Variants in SCN2A observed in about 807,000 individuals in gnomAD.
SCN2A encodes the protein sodium channel protein type 2 subunit alpha.
In SCN2A, 20 loss-of-function variants were observed where a neutral mutation model predicts 188.7. That is an observed-to-expected ratio of 0.11 (90% CI 0.07 to 0.15). The LOEUF is 0.15. SCN2A is among the 10% of genes least tolerant of loss of function. SCN2A has a pLI of 1.00. For missense variants in SCN2A, 1,278 were observed against 2,445.0 expected (o/e 0.52, Z 10.07); for synonymous variants, 804 against 833.1 (o/e 0.97, Z 0.60).
At chr2:165,258,593 A>G (rs1421784218) in intron 1 of SCN2A, among the ~76,000 whole-genome samples, 9 of 152,246 alleles carry the variant, frequency 5.9e-5, no homozygotes, top group Admixed American at 5.9e-4. Flanking sequence ...GTATGTGCCC[A>G]AAGAAATATA....
At chr2:165,358,112 G>A (rs1700272520) in intron 17 of SCN2A, among the ~76,000 whole-genome samples, 1 of 152,134 alleles carries the variant, frequency 6.6e-6, no homozygotes, top group Non-Finnish European at 1.5e-5. Flanking sequence ...AAGTAAAAGT[G>A]CATGCCTTTA....
At chr2:165,296,631 G>C (rs1696525226) in intron 2 of SCN2A, 1 of 182,498 alleles carries the variant, frequency 5.5e-6, no homozygotes, top group Non-Finnish European at 1.1e-5. Flanking sequence ...ATAAGATTCT[G>C]AGCAAAGAAC....
chr2:165,239,541 T>A lies in SCN2A; in HGVS notation c.-151T>A, dbSNP rs1693526893. 1.4e-6 allele frequency: 1 copy of A among 738,064 alleles called. No homozygotes were observed. Among genetic ancestry groups the A allele is most frequent in the Admixed American group, 6.3e-5 (1 of 15,994 alleles). 45.7% of individuals were successfully genotyped at this position (738,064 alleles called of 1,614,324 possible). A position where few individuals can be genotyped will look rare whatever the true frequency, so the allele number is the denominator to read the frequency against. On this transcript the variant is annotated 5_prime_UTR_variant, in exon 1 of 27. Transcript: ENST00000375437. ...GGATAGAGCACATGTGAGATTTTAC[T>A]TTCTACTCCAGTAAAAATTCTGAAG...
chr2:165,248,479 G>A (rs1191858291), intron 1 of SCN2A, among the ~76,000 whole-genome samples: 1 of 152,014 alleles, frequency 6.6e-6, no homozygotes, highest in Non-Finnish European at 1.5e-5. Flanking sequence ...TTTAAAATCT[G>A]AGCTCAAATG....
At chr2:165,314,231 G>C in intron 10 of SCN2A, 123 bp downstream of exon 10, 1 of 943,028 alleles carries the variant, frequency 1.1e-6, no homozygotes, top group South Asian at 1.5e-5. Flanking sequence ...TAAGTGCTAG[G>C]AGCCTGTTTG....
chr2:165,374,665 T>G lies in SCN2A; in HGVS notation c.3973-20T>G. 6.2e-7 allele frequency: 1 copy of G among 1,611,584 alleles called. No individual in the cohort carries two copies. Among genetic ancestry groups the G allele is most frequent in the South Asian group, 1.1e-5 (1 of 91,000 alleles). On this transcript the variant is annotated intron_variant, in intron 21 of 26. Transcript: ENST00000375437. ...TTGTTGTTGGCTTTTCACTTATTTT[T>G]CCTTCTCATCCTGTGCCAGGTTGTT... is the stretch of plus-strand genomic sequence containing the variant.
intron 1 of SCN2A, among the ~76,000 whole-genome samples, chr2:165,278,261 G>C (rs1574487793): frequency 1.3e-5 from 2 of 152,106 alleles, no homozygotes; most frequent in African/African-American, 4.8e-5. Context: ...CCATTTTCTT[G>C]CTGCCATAAA....
intron 14 of SCN2A, among the ~76,000 whole-genome samples, chr2:165,341,799 C>A (rs1699335713): frequency 6.6e-6 from 1 of 152,212 alleles, no homozygotes; most frequent in Non-Finnish European, 1.5e-5. Flanking sequence ...AATACTGCTT[C>A]CCTTTCGCCA....
In SCN2A at chr2:165,323,379, C is replaced by G; in HGVS notation, c.1895C>G (p.Ser632Cys). Reference sequence around the variant, plus strand: ...AATGTCAGCCAGGCCAGCCGTGCCTCCAGGGTGCTCCCCATCCTGCCCATG... The same window carrying G: ...AATGTCAGCCAGGCCAGCCGTGCCTGCAGGGTGCTCCCCATCCTGCCCATG... The part of the protein sequence containing the change: ...HSNVSQASRA[S>C]RVLPILPMNG... The change falls in exon 12 of 27, where the codon TCC becomes TGC. Residue 632 changes from serine (S) to cysteine (C), a missense_variant. Physicochemically the swap from Ser to Cys is moderately radical, Grantham distance 112. Coordinates refer to ENST00000375437, the MANE Select transcript of SCN2A (RefSeq NM_001040142.2). 2 of 1,614,166 alleles carry G rather than the reference C, an allele frequency of 1.2e-6. No individual in the cohort carries two copies. Among genetic ancestry groups the G allele is most frequent in the Non-Finnish European group, 1.7e-6 (2 of 1,180,020 alleles).
At chr2:165,334,636 T>G (rs1035395588) in intron 14 of SCN2A, among the ~76,000 whole-genome samples, 4 of 151,752 alleles carry the variant, frequency 2.6e-5, no homozygotes, top group African/African-American at 9.7e-5. Flanking sequence ...ATAAACACCA[T>G]CTCAAAAGAC....
chr2:165,368,798 T>G (rs1021814222), intron 19 of SCN2A, among the ~76,000 whole-genome samples: 2 of 152,194 alleles, frequency 1.3e-5, no homozygotes, highest in Non-Finnish European at 2.9e-5. Context: ...GGTGAGTTGA[T>G]TTCATTAGGA....
intron 1 of SCN2A, among the ~76,000 whole-genome samples, chr2:165,252,517 T>C (rs1694139374): frequency 6.6e-6 from 1 of 152,078 alleles, no homozygotes; most frequent in Non-Finnish European, 1.5e-5. Flanking sequence ...TCTTTTTAAA[T>C]TAATTTTTTA....
At chr2:165,326,208 C>T (rs192739891) in intron 12 of SCN2A, among the ~76,000 whole-genome samples, 1 of 152,244 alleles carries the variant, frequency 6.6e-6, no homozygotes, top group East Asian at 1.9e-4. Flanking sequence ...AAATCACAGT[C>T]CCCCACATTG....
At chr2:165,259,339 C>T (rs959175817) in intron 1 of SCN2A, among the ~76,000 whole-genome samples, 1 of 152,140 alleles carries the variant, frequency 6.6e-6, no homozygotes, top group Admixed American at 6.5e-5. Context: ...TAAAATAAGA[C>T]TACAATGAAG....
chr2:165,345,067 T>G (rs1404767336), intron 16 of SCN2A, among the ~76,000 whole-genome samples, 156 bp downstream of exon 16: 1 of 152,228 alleles, frequency 6.6e-6, no homozygotes, highest in Non-Finnish European at 1.5e-5. Context: ...TTTAGACCAT[T>G]GTAATCCACA....
At chr2:165,318,452 G>A (rs1277994745) in intron 11 of SCN2A, among the ~76,000 whole-genome samples, 1 of 152,112 alleles carries the variant, frequency 6.6e-6, no homozygotes, top group Non-Finnish European at 1.5e-5. Flanking sequence ...GATTGGTTTG[G>A]TATGGGGAAT....
chr2:165,361,507 G>C (rs1282168679), intron 17 of SCN2A, among the ~76,000 whole-genome samples: 2 of 151,950 alleles, frequency 1.3e-5, no homozygotes, highest in African/African-American at 2.4e-5. Context: ...CCACTGATTC[G>C]CTATAACTTT....
At position 165,295,936 on chromosome 2, in the gene SCN2A, A is replaced by C; in HGVS notation, c.113A>C (p.Lys38Thr). Residue 38 changes from lysine to threonine, a missense_variant, in exon 2 of 27, where the codon AAA becomes ACA. Physicochemically the swap from Lys to Thr is moderately conservative, Grantham distance 78. Around this residue, in one of 17 missense-constraint regions of SCN2A, gnomAD observed 141 missense variants for 185.4 expected, o/e 0.76. Transcript: ENST00000375437. ...RIAEEKAKRP[K>T]QERKDEDDEN... The stretch of plus-strand genomic sequence containing the variant: ...GCAGAAGAGAAAGCTAAGAGACCCA[A>C]ACAGGAACGCAAGGATGAGGATGAT... The C allele has an allele frequency of 2.5e-6, 4 of 1,614,140 alleles. No homozygotes were observed. The highest frequency in any genetic ancestry group is 3.4e-6 in the Non-Finnish European group (4 of 1,180,022).
chr2:165,369,049 G>A (rs901906311), intron 19 of SCN2A, among the ~76,000 whole-genome samples: 11 of 151,896 alleles, frequency 7.2e-5, no homozygotes, highest in Admixed American at 3.3e-4. Context: ...CCTTAACCTC[G>A]CAAGTAGCTG....
Sources: allele counts gnomAD v4.1 joint callset (sites outside exome capture counted in the v4.1 genomes callset), GRCh38; gene constraint gnomAD v4.1.1; regional missense constraint gnomAD v4.1.1; transcripts MANE v1.5; gene names NCBI Gene and HGNC (gene_info 2026-07-23, HGNC 2026-07-21).